Variants in SLC27A5 observed in about 807,000 individuals in gnomAD.
SLC27A5 encodes solute carrier family 27 member 5, also known as long-chain fatty acid transport protein 5.
SLC27A5 carries 47 observed loss-of-function variants against 63.1 expected under a neutral mutation model. The observed-to-expected ratio is 0.74, with a 90% CI of 0.59 to 0.95. The LOEUF is 0.95. Among genes scored for constraint, SLC27A5 ranks in the 40% least tolerant of loss-of-function variants. SLC27A5 has a pLI of 0.00. For missense variants in SLC27A5, 940 were observed against 921.0 expected, an observed-to-expected ratio of 1.02 and a Z score of -0.27; for synonymous variants, 391 against 403.8, an observed-to-expected ratio of 0.97 and a Z score of 0.38.
At chr19:58,511,029 T>A (rs2053404948) in intron 1 of SLC27A5, 99 bp from the exon 2 acceptor site, 1 of 1,049,366 alleles carries the variant, frequency 9.5e-7, no homozygotes, top group Non-Finnish European at 1.3e-6. Flanking sequence ...GAGCAGCTAG[T>A]AGAGAAAAGC....
intron 3 of SLC27A5, chr19:58,508,442 GC>G (rs1358467971): frequency 6.6e-6 from 1 of 151,744 alleles, no homozygotes; most frequent in African/African-American, 2.4e-5. Flanking sequence ...TGTAGTCCCA[GC>G]TACTGGGGAG....
Position 58,500,668 on chromosome 19 carries a change from C to T in SLC27A5, c.1221G>A (p.Met407Ile), listed in dbSNP as rs771157195. The T allele has an allele frequency of 6.8e-6, 11 of 1,614,010 alleles. No individual in the cohort carries two copies. The South Asian group carries it at 1.1e-4, about 16-fold the overall frequency. Residue 407 changes from methionine to isoleucine, a missense_variant, in exon 5 of 10, where the codon ATG (methionine) becomes ATA (isoleucine). Transcript: ENST00000263093. ...EDRTHTVRLA[M>I]GNGLRADVWE... is the part of the protein sequence containing the mutation. ...ACACATCAGCCCGTAGTCCATTGCC[C>T]ATTGCCAGGCGGACTGTATGTGTCC...
chr19:58,511,875 G>A lies in SLC27A5; in HGVS notation c.81C>T (p.Val27=), dbSNP rs371777903. The A allele has an allele frequency of 7.1e-6, 11 of 1,552,764 alleles. No homozygotes were observed. The highest frequency in any genetic ancestry group is 5.8e-5 in the Admixed American group (3 of 51,508). ...GCCAGCGCAGGGTCAAGGCCACAGC[G>A]ACTGGCCACACTGGCTGCCCCAGGC... The part of the protein sequence containing the change: ...LWGLGQPVWP[V]AVALTLRWLL... The change falls in exon 1 of 10, where the codon GTC becomes GTT. Residue 27 remains valine, a synonymous_variant. Transcript: ENST00000263093.
At chr19:58,509,716 G>A (rs2053387868) in intron 3 of SLC27A5, 131 bp downstream of exon 3, 2 of 787,616 alleles carry the variant, frequency 2.5e-6, no homozygotes, top group South Asian at 1.9e-5. Flanking sequence ...AGTCATTGGT[G>A]GGTGTCCCTT....
chr19:58,511,246 C>T (rs767195556), intron 1 of SLC27A5, 22 bp downstream of exon 1: 2 of 1,518,934 alleles, frequency 1.3e-6, no homozygotes, highest in East Asian at 2.3e-5. Flanking sequence ...CTTCCATTCT[C>T]CACTGGCTCC....
intron 3 of SLC27A5, among the ~76,000 whole-genome samples, chr19:58,502,026 A>G (rs909922086): frequency 6.6e-5 from 10 of 152,172 alleles, no homozygotes; most frequent in African/African-American, 2.2e-4. Context: ...AGCTCAAATC[A>G]CTCTTGATTA....
rs748269122 is a variant in SLC27A5, at chr19:58,499,604, G to A, written c.1555C>T (p.Leu519=). The change falls in exon 7 of 10, where the codon CTG becomes TTG. Residue 519 remains leucine (L), a synonymous_variant. Coordinates refer to ENST00000263093, the MANE Select transcript of SLC27A5 (RefSeq NM_012254.3). ...CCCGATTGCCGCACGTTGCGCACCAGCTTCCGTTCCGACAGCTCTCGGGGG... is the reference window on the plus strand; with the variant it reads ...CCCGATTGCCGCACGTTGCGCACCAACTTCCGTTCCGACAGCTCTCGGGGG... ...RGPRELSERK[L]VRNVRQSGDV... is the part of the protein sequence containing the mutation. 5 of 1,613,014 alleles carry A rather than the reference G, an allele frequency of 3.1e-6. No homozygotes were observed. In the African/African-American group the frequency reaches 6.7e-5, roughly 22 times the overall value.
intron 3 of SLC27A5, chr19:58,508,509 TCG>T (rs2053372145): frequency 7.0e-6 from 1 of 143,864 alleles, no homozygotes. Context: ...TGAGCTGAGA[TCG>T]CACCACTGCA....
chr19:58,510,982 G>A, intron 1 of SLC27A5, 52 bp from the exon 2 acceptor site: 1 of 1,453,972 alleles, frequency 6.9e-7, no homozygotes, highest in Non-Finnish European at 9.2e-7. Flanking sequence ...CTTTGAGGTT[G>A]CGAGGCGGGA....
chr19:58,500,148 G>C (rs1568627021), intron 6 of SLC27A5, among the ~76,000 whole-genome samples, 191 bp downstream of exon 6: 1 of 152,024 alleles, frequency 6.6e-6, no homozygotes, highest in Non-Finnish European at 1.5e-5. Context: ...AGGGGAGCTG[G>C]ACAGAGCCGA....
intron 3 of SLC27A5, among the ~76,000 whole-genome samples, chr19:58,503,768 T>C (rs1015655336): frequency 6.6e-6 from 1 of 151,762 alleles, no homozygotes; most frequent in East Asian, 1.9e-4. Context: ...GCAAATACAA[T>C]GGGGAGACTG....
intron 6 of SLC27A5, 141 bp from the exon 7 acceptor site, chr19:58,499,831 TGA>T: frequency 1.3e-6 from 1 of 741,354 alleles, no homozygotes; most frequent in Non-Finnish European, 2.2e-6. Context: ...GATCCAGAGA[TGA>T]GAGAGACATT....
intron 1 of SLC27A5, 160 bp from the exon 2 acceptor site, chr19:58,511,090 G>C: frequency 1.1e-6 from 1 of 935,492 alleles, no homozygotes; most frequent in South Asian, 1.8e-5. Context: ...TGGTCAAATT[G>C]TGGGAAAATT....
Position 58,509,880 on chromosome 19 carries a change from G to A in SLC27A5, c.1024C>T (p.Leu342Phe). ...TVLPLYHVMGLVVGILGCLDL... is the reference protein window; with the variant it reads ...TVLPLYHVMGFVVGILGCLDL... ...AAGCAGCCGAGGATCCCAACGACAA[G>A]TCCCATCACGTGGTACAGAGGCAGG... Residue 342 changes from leucine (L) to phenylalanine (F), a missense_variant, in exon 3 of 10, where the codon CTT (leucine) becomes TTT (phenylalanine). Coordinates refer to ENST00000263093, the MANE Select transcript of SLC27A5 (RefSeq NM_012254.3). The A allele has an allele frequency of 1.2e-6, 2 of 1,613,632 alleles. No homozygotes were observed. Among genetic ancestry groups the A allele is most frequent in the Admixed American group, 3.3e-5 (2 of 59,966 alleles).
intron 2 of SLC27A5, 131 bp from the exon 3 acceptor site, chr19:58,510,136 G>C (rs762202744): frequency 1.6e-5 from 14 of 887,230 alleles, no homozygotes; most frequent in Non-Finnish European, 2.0e-5. Flanking sequence ...GTCAAGTATA[G>C]GGATTTGTGG....
At chr19:58,507,080 C>T (rs779770886) in intron 3 of SLC27A5, among the ~76,000 whole-genome samples, 24 of 150,114 alleles carry the variant, frequency 1.6e-4, no homozygotes, top group African/African-American at 4.1e-4. Context: ...AAAATTTGGC[C>T]GGGCGCGGTG....
In SLC27A5 at chr19:58,499,425, T is replaced by C. The variant is rs1027805233; in HGVS notation, c.1667+67A>G. ...GAAAGTCCCGCCTCTTCAGCCTGAC[T>C]CCCTCTAGGATCTGAAAGCGTCCGT... On this transcript the variant is annotated intron_variant, in intron 7 of 9. Transcript: ENST00000263093. The C allele has an allele frequency of 7.8e-6, 12 of 1,543,790 alleles. 1 individual carries two copies. In the African/African-American group the frequency reaches 1.6e-4, roughly 21 times the overall value.
intron 3 of SLC27A5, 176 bp downstream of exon 3, chr19:58,509,667 CTGTG>C: frequency 7.4e-6 from 4 of 541,714 alleles, no homozygotes; most frequent in Non-Finnish European, 1.3e-5. Flanking sequence ...CCATCAGGGA[CTGTG>C]TGGGTGTCCA....
chr19:58,498,876 G>A lies in SLC27A5; in HGVS notation c.1805C>T (p.Ala602Val), dbSNP rs776541721. ...CTCCCCGTCGAAAGTCTGGCCGGGG[G>A]CTAGCTGCACAGCAGCCATGCCCAC... is the stretch of plus-strand genomic sequence containing the variant. ...GKVGMAAVQL[A>V]PGQTFDGEKL... The change falls in exon 9 of 10, where the codon GCC (alanine) becomes GTC (valine). Residue 602 changes from alanine to valine, a missense_variant. Ala to Val is a moderately conservative substitution (Grantham distance 64). Transcript: ENST00000263093. The A allele has an allele frequency of 1.2e-6, 2 of 1,613,632 alleles. No individual in the cohort carries two copies. The highest frequency in any genetic ancestry group is 2.2e-5 in the East Asian group (1 of 44,880).
Sources: allele counts gnomAD v4.1 joint callset (sites outside exome capture counted in the v4.1 genomes callset), GRCh38; gene constraint gnomAD v4.1.1; transcripts MANE v1.5; gene names NCBI Gene and HGNC (gene_info 2026-07-23, HGNC 2026-07-21).